ERCC1: variants seen among roughly 807,000 people sequenced by gnomAD.
ERCC1 encodes DNA excision repair protein ERCC-1.
A neutral mutation model predicts 37.6 loss-of-function variants in ERCC1; 36 were observed. That is an observed-to-expected ratio of 0.96 (90% CI 0.73 to 1.26). The LOEUF (loss-of-function observed/expected upper bound fraction) is 1.26, where lower values mean the gene tolerates loss of function less well. ERCC1 is among the 50% of genes most tolerant of loss of function. The pLI, the probability that ERCC1 is intolerant of heterozygous loss-of-function variation, is 0.00. For missense variants in ERCC1, 349 were observed against 376.5 expected, an observed-to-expected ratio of 0.93 and a Z score of 0.60; for synonymous variants, 156 against 162.1, an observed-to-expected ratio of 0.96 and a Z score of 0.28.
At chr19:45,436,352 C>T (rs1264884657) in intron 1 of ERCC1, among the ~76,000 whole-genome samples, 2 of 152,184 alleles carry the variant, frequency 1.3e-5, no homozygotes, top group East Asian at 1.9e-4. Context: ...TTCGGCCGGG[C>T]GCCGTGGCTC....
upstream of ERCC1, among the ~76,000 whole-genome samples, chr19:45,428,485 C>T (rs1974755700): frequency 6.6e-6 from 1 of 152,206 alleles, no homozygotes; most frequent in African/African-American, 2.4e-5. Context: ...CCAGCCGTAT[C>T]CAAGCTCCGA....
chr19:45,436,869 A>G (rs778184024), intron 1 of ERCC1, among the ~76,000 whole-genome samples: 62 of 151,946 alleles, frequency 4.1e-4, no homozygotes, highest in Non-Finnish European at 8.1e-4. Context: ...AGGTGGGAGG[A>G]CCCCGTGAGA....
At chr19:45,448,410 T>C (rs1273289390) in intron 1 of ERCC1, among the ~76,000 whole-genome samples, 1 of 151,992 alleles carries the variant, frequency 6.6e-6, no homozygotes, top group East Asian at 1.9e-4. Flanking sequence ...GGAAACAACC[T>C]GAGGGAGAGT....
At chr19:45,430,999 C>G (rs572870855) in intron 1 of ERCC1, among the ~76,000 whole-genome samples, 17 of 152,048 alleles carry the variant, frequency 1.1e-4, no homozygotes, top group Admixed American at 9.8e-4. Flanking sequence ...CTTCCCCAGG[C>G]TGGAGTGCAG....
At chr19:45,438,146 G>A (rs1245471451) in intron 1 of ERCC1, among the ~76,000 whole-genome samples, 1 of 152,068 alleles carries the variant, frequency 6.6e-6, no homozygotes, top group African/African-American at 2.4e-5. Context: ...TCCTGACCTC[G>A]TGATCCACCC....
chr19:45,423,663 G>T, intron 1 of ERCC1, 118 bp downstream of exon 1: 2 of 1,267,792 alleles, frequency 1.6e-6, no homozygotes, highest in Non-Finnish European at 2.0e-6. Context: ...CCGTTCGTCC[G>T]GCCCCCGAGG....
chr19:45,425,594 T>C (rs1357850084), upstream of ERCC1, among the ~76,000 whole-genome samples: 1 of 151,866 alleles, frequency 6.6e-6, no homozygotes, highest in Non-Finnish European at 1.5e-5. Context: ...GGTCTCGAAC[T>C]CTTGACCTCA....
At chr19:45,423,658 C>G (rs2298881) in intron 1 of ERCC1, 123 bp downstream of exon 1, 1 of 1,274,566 alleles carries the variant, frequency 7.8e-7, no homozygotes, top group African/African-American at 1.5e-5. Context: ...GCCTTCCGTT[C>G]GTCCGGCCCC....
rs1271770191 is a variant in ERCC1 at position 45,409,623 on chromosome 19, C to T, written c.*52G>A. On this transcript the variant is annotated 3_prime_UTR_variant, in exon 10 of 10. Transcript: ENST00000300853. ...CCAGCGCAGCCAGCAGGAGCCTGGC[C>T]TGGGAGGACGATTTATTATTACACT... The T allele has an allele frequency of 7.7e-6, 12 of 1,550,174 alleles. No homozygotes were observed. Among genetic ancestry groups the T allele is most frequent in the Non-Finnish European group, 9.8e-6 (11 of 1,127,966 alleles).
chr19:45,441,798 C>T (rs1012984970), intron 1 of ERCC1, among the ~76,000 whole-genome samples: 2 of 151,804 alleles, frequency 1.3e-5, no homozygotes, highest in East Asian at 3.9e-4. Flanking sequence ...CTGCCTCAGC[C>T]TCCCAAGTAG....
At chr19:45,428,413 A>G (rs1248613194), upstream of ERCC1, among the ~76,000 whole-genome samples, 1 of 151,546 alleles carries the variant, frequency 6.6e-6, no homozygotes, top group East Asian at 1.9e-4. Flanking sequence ...CTGTTTCAAA[A>G]CTAAACTTTG....
intron 1 of ERCC1, among the ~76,000 whole-genome samples, chr19:45,450,370 C>G (rs1967076705): frequency 6.6e-6 from 1 of 152,232 alleles, no homozygotes. Flanking sequence ...TCCCCTAAAC[C>G]TTCATGAGCC....
chr19:45,435,139 A>G (rs1378417074), intron 1 of ERCC1, among the ~76,000 whole-genome samples: 1 of 152,048 alleles, frequency 6.6e-6, no homozygotes, highest in East Asian at 1.9e-4. Flanking sequence ...GGCTGGTCTC[A>G]GACTCCTGAC....
At chr19:45,445,605 G>C (rs1966916935) in intron 1 of ERCC1, among the ~76,000 whole-genome samples, 1 of 152,206 alleles carries the variant, frequency 6.6e-6, no homozygotes, top group Non-Finnish European at 1.5e-5. Context: ...GCAAAGACTA[G>C]AAGTTGGTTT....
At position 45,409,474 on chromosome 19, in the gene ERCC1, G is replaced by A. The variant is rs2123436168; in HGVS notation, c.*201C>T. The A allele has an allele frequency of 6.2e-7, 1 of 1,610,562 alleles. No individual in the cohort carries two copies. Among genetic ancestry groups the A allele is most frequent in the Non-Finnish European group, 8.5e-7 (1 of 1,179,128 alleles). The stretch of plus-strand genomic sequence containing the variant: ...CTCCCACAGGCCGGGACAAGAAGCG[G>A]AAGCAGCAGCAGCAGCAGCCTGTGT... On this transcript the variant is annotated 3_prime_UTR_variant, in exon 10 of 10. Transcript: ENST00000300853.
intron 1 of ERCC1, among the ~76,000 whole-genome samples, chr19:45,442,892 TAGA>T (rs1451408617): frequency 6.6e-6 from 1 of 151,806 alleles, no homozygotes. Context: ...GAGGTATGTA[TAGA>T]AGAAGCAGGC....
rs770380953 is a variant in ERCC1, at chr19:45,409,657, C to T, written c.*18G>A. 4 of 1,372,140 alleles carry T rather than the reference C, an allele frequency of 2.9e-6. No homozygotes were observed. Among genetic ancestry groups the T allele is most frequent in the African/African-American group, 1.4e-5 (1 of 70,384 alleles). 85.0% of individuals were successfully genotyped at this position (1,372,140 alleles called of 1,614,324 possible). On this transcript the variant is annotated 3_prime_UTR_variant, in exon 10 of 10. Transcript: ENST00000300853. ...CGATTTATTATTACACTGGGGGTTT[C>T]CTTGGCAGCTGGGGTCATCAGGGTA...
At chr19:45,415,120 G>GGTC (rs1973974862) in intron 6 of ERCC1, among the ~76,000 whole-genome samples, 160 bp from the exon 7 acceptor site, 2 of 151,074 alleles carry the variant, frequency 1.3e-5, no homozygotes, top group African/African-American at 4.9e-5. Flanking sequence ...GATCATCTGA[G>GGTC]GTCAGGAGTT....
chr19:45,429,031 C>T (rs1025011742), intron 1 of ERCC1: 1 of 152,252 alleles, frequency 6.6e-6, no homozygotes, highest in Non-Finnish European at 1.5e-5. Flanking sequence ...TACTCCGCGT[C>T]CTCCCGGGCA....
Sources: gnomAD v4.1 joint callset for allele counts (sites outside exome capture counted in the v4.1 genomes callset) on GRCh38, gnomAD v4.1.1 for gene constraint, MANE v1.5 for transcripts, NCBI Gene and HGNC (gene_info 2026-07-23, HGNC 2026-07-21) for gene names.